The following TMEM178B variants were observed in gnomAD, a reference collection of about 807,000 sequenced individuals.
TMEM178B encodes the protein transmembrane protein 178B.
A neutral mutation model predicts 31.0 loss-of-function variants in TMEM178B; 5 were observed. The ratio of observed to expected loss-of-function variants is 0.16; its 90% CI spans 0.08 to 0.34. The LOEUF (loss-of-function observed/expected upper bound fraction) is 0.34. Ranked by LOEUF, TMEM178B falls within the 10% of genes least tolerant of loss-of-function variation. The pLI, the probability that TMEM178B is intolerant of heterozygous loss-of-function variation, is 1.00. For missense variants in TMEM178B, 275 were observed against 400.3 expected, an observed-to-expected ratio of 0.69 and a Z score of 2.67; for synonymous variants, 164 against 164.0, an observed-to-expected ratio of 1.00 and a Z score of 0.00.
rs1799586283 is a variant in TMEM178B at position 141,344,624 on chromosome 7, CT to C, written c.497-92982del. Among the ~76,000 whole-genome samples the C allele has an allele frequency of 1.4e-5, 2 of 147,312 alleles. No homozygotes were observed. The highest frequency in any genetic ancestry group is 2.6e-5 in the African/African-American group (1 of 38,252). On this transcript the variant is annotated intron_variant, in intron 2 of 3. Coordinates refer to ENST00000565468, the MANE Select transcript of TMEM178B (RefSeq NM_001195278.2). This position sits in a 1 kb window ranked among gnomAD's most constrained non-coding sequence, Gnocchi z 4.1. ...CCTTCCTTCCTTCCTTCCTTCCTTCCTTCCTCCCTTCCTTCTTCCCTTCATC... is the reference window on the plus strand; with the variant it reads ...CCTTCCTTCCTTCCTTCCTTCCTTCCTCCTCCCTTCCTTCTTCCCTTCATC...
chr7:141,215,777 CCTTT>C (rs529722580), intron 2 of TMEM178B, among the ~76,000 whole-genome samples: 20,881 of 111,448 alleles, frequency 0.19, 1,898 homozygotes, highest in Middle Eastern at 0.22. Flanking sequence ...TATATACTTT[CCTTT>C]CTTTCTTTCT....
chr7:141,217,302 C>T (rs1434270287), intron 2 of TMEM178B, among the ~76,000 whole-genome samples: 3 of 152,218 alleles, frequency 2.0e-5, no homozygotes, highest in Non-Finnish European at 2.9e-5. Context: ...GGGCCTTTCC[C>T]AGTGTGGCAC....
intron 2 of TMEM178B, among the ~76,000 whole-genome samples, chr7:141,378,593 A>C (rs1354074217): frequency 6.6e-6 from 1 of 152,194 alleles, no homozygotes; most frequent in Non-Finnish European, 1.5e-5. Flanking sequence ...CTCCTAAGCG[A>C]AGGTGGTACC....
At chr7:141,434,252 T>G (rs1801492686) in intron 2 of TMEM178B, among the ~76,000 whole-genome samples, 3 of 152,334 alleles carry the variant, frequency 2.0e-5, no homozygotes, top group Middle Eastern at 3.4e-3. Flanking sequence ...ATTGTCCACT[T>G]AATTCCCCCA....
At chr7:141,451,368 C>A (rs1268102470) in intron 3 of TMEM178B, among the ~76,000 whole-genome samples, 1 of 152,198 alleles carries the variant, frequency 6.6e-6, no homozygotes, top group African/African-American at 2.4e-5. Context: ...TTTAATACTG[C>A]GTGCTCAGTT....
intron 2 of TMEM178B, among the ~76,000 whole-genome samples, chr7:141,329,016 C>T (rs1799247260): frequency 6.6e-6 from 1 of 151,922 alleles, no homozygotes; most frequent in Non-Finnish European, 1.5e-5. Context: ...TTAACATGTC[C>T]CCCCCAGTCT....
rs1205024587 is a variant in TMEM178B, at chr7:141,344,456, T to G, written c.497-93152T>G. 6.6e-6 allele frequency among the ~76,000 whole-genome samples: 1 copy of G among 152,234 alleles called. No homozygotes were observed. The highest frequency in any genetic ancestry group is 1.5e-5 in the Non-Finnish European group (1 of 68,036). ...AGTTCTGCTTTATAATGAAAAGTTATAAGTTTCTCACACATTTTAGGCACT... is the reference window on the plus strand; with the variant it reads ...AGTTCTGCTTTATAATGAAAAGTTAGAAGTTTCTCACACATTTTAGGCACT... On this transcript the variant is annotated intron_variant, in intron 2 of 3. Coordinates refer to ENST00000565468, the MANE Select transcript of TMEM178B (RefSeq NM_001195278.2). This position sits in a 1 kb window ranked among gnomAD's most constrained non-coding sequence, Gnocchi z 4.1.
intron 2 of TMEM178B, among the ~76,000 whole-genome samples, chr7:141,245,539 G>A (rs1011616407): frequency 3.3e-5 from 5 of 152,208 alleles, no homozygotes; most frequent in African/African-American, 4.8e-5. Flanking sequence ...TGAGTTTACA[G>A]CAAGAAGAGA....
chr7:141,408,816 A>G (rs1443324913), intron 2 of TMEM178B, among the ~76,000 whole-genome samples: 1 of 152,188 alleles, frequency 6.6e-6, no homozygotes, highest in African/African-American at 2.4e-5. Flanking sequence ...AAAGTCCCAG[A>G]CGTGTCAACC....
intron 2 of TMEM178B, among the ~76,000 whole-genome samples, chr7:141,280,866 C>T (rs1465095821): frequency 1.3e-5 from 2 of 152,166 alleles, no homozygotes; most frequent in East Asian, 3.8e-4. Context: ...GGCTGCTTCT[C>T]TTTCTTGTTT....
intron 1 of TMEM178B, among the ~76,000 whole-genome samples, chr7:141,149,620 G>A (rs978648817): frequency 6.6e-6 from 1 of 152,136 alleles, no homozygotes; most frequent in Non-Finnish European, 1.5e-5. Context: ...TGGGCCTAAC[G>A]TAATGTGATT....
chr7:141,291,212 G>A (rs1798540601), intron 2 of TMEM178B, among the ~76,000 whole-genome samples: 1 of 152,160 alleles, frequency 6.6e-6, no homozygotes, highest in Non-Finnish European at 1.5e-5. Context: ...CTGGAGGAGT[G>A]TTCTGTACTC....
At chr7:141,457,872 T>C (rs1290010419) in intron 3 of TMEM178B, among the ~76,000 whole-genome samples, 1 of 152,208 alleles carries the variant, frequency 6.6e-6, no homozygotes, top group African/African-American at 2.4e-5. Flanking sequence ...GCATGGAATG[T>C]TATCAAAAGC....
At chr7:141,440,465 G>A (rs560324647) in intron 3 of TMEM178B, among the ~76,000 whole-genome samples, 76 of 152,084 alleles carry the variant, frequency 5.0e-4, no homozygotes, top group African/African-American at 1.7e-3. Flanking sequence ...TCTTTCTAGC[G>A]CTAATATTTT....
intron 2 of TMEM178B, among the ~76,000 whole-genome samples, chr7:141,243,075 G>A (rs749045824): frequency 3.3e-5 from 5 of 152,102 alleles, no homozygotes; most frequent in African/African-American, 7.2e-5. Context: ...AAATAAGAGA[G>A]ACAGTTTAGA....
chr7:141,088,547 G>C (rs1794825503), intron 1 of TMEM178B, among the ~76,000 whole-genome samples: 2 of 152,080 alleles, frequency 1.3e-5, no homozygotes, highest in Non-Finnish European at 2.9e-5. Flanking sequence ...TTATGCTCAT[G>C]ACTAGTTGCA....
chr7:141,108,680 G>A (rs985820452), intron 1 of TMEM178B, among the ~76,000 whole-genome samples: 5 of 152,144 alleles, frequency 3.3e-5, no homozygotes, highest in African/African-American at 9.7e-5. Flanking sequence ...CCGGCAGGCA[G>A]GTTTTGGGCT....
intron 2 of TMEM178B, among the ~76,000 whole-genome samples, chr7:141,401,711 T>C (rs1391310163): frequency 6.6e-6 from 1 of 152,170 alleles, no homozygotes; most frequent in African/African-American, 2.4e-5. Context: ...CAGCCTGCAG[T>C]TATCTTTTTT....
At chr7:141,177,399 G>T (rs575337233) in intron 1 of TMEM178B, among the ~76,000 whole-genome samples, 80 of 152,304 alleles carry the variant, frequency 5.3e-4, no homozygotes, top group African/African-American at 1.9e-3. Flanking sequence ...GTGATGTGGA[G>T]CGGAGAAGAA....
Sources: allele counts gnomAD v4.1 joint callset (sites outside exome capture counted in the v4.1 genomes callset), GRCh38; gene constraint gnomAD v4.1.1; non-coding constraint Gnocchi (gnomAD v3.1); transcripts MANE v1.5; gene names NCBI Gene and HGNC (gene_info 2026-07-23, HGNC 2026-07-21).